FRYL: variants seen among roughly 807,000 people sequenced by gnomAD.
The protein encoded by FRYL is FRY like transcription coactivator.
FRYL carries 150 observed loss-of-function variants against 351.2 expected under a neutral mutation model. That is an observed-to-expected ratio of 0.43 (90% CI 0.37 to 0.49). The LOEUF (loss-of-function observed/expected upper bound fraction) is 0.49, where lower values mean the gene tolerates loss of function less well. Ranked by LOEUF, FRYL falls within the 20% of genes least tolerant of loss-of-function variation. FRYL has a pLI of 0.00. For missense variants in FRYL, 3,036 were observed against 3,619.3 expected (o/e 0.84, Z 4.13); for synonymous variants, 1,153 against 1,257.1 (o/e 0.92, Z 1.75).
At chr4:48,514,708 A>G (rs1723199324) in intron 56 of FRYL, among the ~76,000 whole-genome samples, 1 of 152,244 alleles carries the variant, frequency 6.6e-6, no homozygotes, top group Non-Finnish European at 1.5e-5. Context: ...TGATTTTAAC[A>G]TTTGGCCATT....
At chr4:48,580,585 C>T (rs1488771011) in intron 22 of FRYL, 2 of 364,628 alleles carry the variant, frequency 5.5e-6, no homozygotes, top group East Asian at 8.2e-5. Context: ...CAAACGGTAG[C>T]ATAAAGATTC....
intron 1 of FRYL, among the ~76,000 whole-genome samples, chr4:48,717,580 A>C (rs1036623533): frequency 1.3e-5 from 2 of 151,624 alleles, no homozygotes; most frequent in African/African-American, 4.8e-5. Flanking sequence ...TGACTCTGTC[A>C]CCTAGGCTGG....
At chr4:48,657,731 T>C (rs1408560933) in intron 3 of FRYL, among the ~76,000 whole-genome samples, 1 of 149,830 alleles carries the variant, frequency 6.7e-6, no homozygotes, top group African/African-American at 2.5e-5. Context: ...TTTTAGATTA[T>C]ATATTAAAGA....
intron 1 of FRYL, among the ~76,000 whole-genome samples, chr4:48,723,270 G>A (rs1246444093): frequency 2.0e-5 from 3 of 152,162 alleles, no homozygotes; most frequent in Non-Finnish European, 4.4e-5. Context: ...AGCCTCCTGA[G>A]TAGCTGCAAC....
intron 50 of FRYL, among the ~76,000 whole-genome samples, chr4:48,529,504 T>C (rs1358791115): frequency 2.0e-5 from 3 of 152,206 alleles, no homozygotes; most frequent in Non-Finnish European, 4.4e-5. Flanking sequence ...CATACTCCCA[T>C]GCTATTATAC....
chr4:48,669,057 C>T (rs1359860071), intron 3 of FRYL, among the ~76,000 whole-genome samples: 2 of 152,134 alleles, frequency 1.3e-5, no homozygotes, highest in African/African-American at 4.8e-5. Flanking sequence ...TTGAGATAGA[C>T]ATTTTATTGT....
chr4:48,507,149 T>G (rs1216985430), intron 59 of FRYL, among the ~76,000 whole-genome samples: 1 of 152,216 alleles, frequency 6.6e-6, no homozygotes, highest in Admixed American at 6.5e-5. Context: ...TAATGGCTTA[T>G]TTTTATACTG....
chr4:48,709,398 G>GA (rs1280611631), intron 2 of FRYL, among the ~76,000 whole-genome samples: 2 of 152,154 alleles, frequency 1.3e-5, no homozygotes, highest in African/African-American at 4.8e-5. Context: ...TGAAATGAAG[G>GA]AAAGTCCTCA....
intron 1 of FRYL, among the ~76,000 whole-genome samples, chr4:48,754,739 C>T (rs138471118): frequency 0.019 from 2,779 of 148,358 alleles, 47 homozygotes; most frequent in South Asian, 0.062. Flanking sequence ...ATGATCTTGG[C>T]GCACTGCAGC....
intron 55 of FRYL, chr4:48,520,799 CTCA>C (rs1267605892): frequency 5.5e-6 from 2 of 362,188 alleles, no homozygotes; most frequent in East Asian, 9.0e-5. Flanking sequence ...GTACATTAAC[CTCA>C]TCATGTTCTG....
Position 48,540,470 on chromosome 4 carries a change from G to GA in FRYL, c.6177dup (p.Gln2060SerfsTer6). 1 of 1,614,022 alleles carries GA rather than the reference G, an allele frequency of 6.2e-7. No individual in the cohort carries two copies. The highest frequency in any genetic ancestry group is 8.5e-7 in the Non-Finnish European group (1 of 1,179,930). Reference sequence around the variant, plus strand: ...GTAAAACCCTTAAGGAAGAGCTGCTGAAGTCCTGGAAAATTAGTCCATTTC... The same window carrying GA: ...GTAAAACCCTTAAGGAAGAGCTGCTGAAAGTCCTGGAAAATTAGTCCATTTC... On this transcript the variant is annotated frameshift_variant, in exon 46 of 64. Coordinates refer to ENST00000358350, the MANE Select transcript of FRYL (RefSeq NM_015030.2). LOFTEE classifies it high-confidence loss of function.
Position 48,710,670 on chromosome 4 carries a change from G to A in FRYL, c.-355C>T. 1 of 398,356 alleles carries A rather than the reference G, an allele frequency of 2.5e-6. No homozygotes were observed. The highest frequency in any genetic ancestry group is 4.4e-6 in the Non-Finnish European group (1 of 225,950). The allele number at this position is 398,356 out of a possible 1,614,324, so 24.7% of individuals were successfully genotyped here. ...AAAGCAGTAGTGAGTGAGTCACCGT[G>A]TGTGAAGCAGAATATGGAATGTTCT... On this transcript the variant is annotated 5_prime_UTR_variant, in exon 2 of 64. Coordinates refer to ENST00000358350, the MANE Select transcript of FRYL (RefSeq NM_015030.2).
chr4:48,756,669 CAGG>C (rs1350396708), intron 1 of FRYL, among the ~76,000 whole-genome samples: 1 of 152,076 alleles, frequency 6.6e-6, no homozygotes, highest in African/African-American at 2.4e-5. Flanking sequence ...TTAAAATTGA[CAGG>C]AGAAGTAGCT....
intron 3 of FRYL, among the ~76,000 whole-genome samples, chr4:48,638,752 A>G (rs1333458261): frequency 6.6e-6 from 1 of 152,218 alleles, no homozygotes; most frequent in East Asian, 1.9e-4. Context: ...TGTGGCACAC[A>G]TACACCATGG....
chr4:48,645,245 A>T (rs894348505), intron 3 of FRYL, among the ~76,000 whole-genome samples: 6 of 150,824 alleles, frequency 4.0e-5, no homozygotes, highest in African/African-American at 1.5e-4. Context: ...GCTGATAAAA[A>T]GGTAATGCCC....
intron 38 of FRYL, among the ~76,000 whole-genome samples, chr4:48,550,344 C>T (rs549044398): frequency 1.3e-5 from 2 of 152,146 alleles, no homozygotes; most frequent in Admixed American, 6.5e-5. Context: ...TTCTATGATG[C>T]TTCCTGAGAA....
intron 24 of FRYL, among the ~76,000 whole-genome samples, chr4:48,575,706 T>A (rs1325527523): frequency 6.6e-6 from 1 of 152,206 alleles, no homozygotes; most frequent in Non-Finnish European, 1.5e-5. Flanking sequence ...TTTAAATGAT[T>A]CCTTTTGGGT....
chr4:48,606,491 GA>G lies in FRYL; in HGVS notation c.687del (p.Arg230GlufsTer2). 1 of 1,612,320 alleles carries G rather than the reference GA, an allele frequency of 6.2e-7. No homozygotes were observed. Among genetic ancestry groups the G allele is most frequent in the Non-Finnish European group, 8.5e-7 (1 of 1,178,766 alleles). The part of the protein sequence containing the change: ...VISLIMGMKF[F>X]RVKMYPVEDF... The stretch of plus-strand genomic sequence containing the variant: ...TCTTCTACAGGATACATTTTTACTC[GA>G]AAAAATTTCATTCCCATTATTAAGC... On this transcript the variant is annotated frameshift_variant, in exon 10 of 64. Transcript: ENST00000358350. LOFTEE classifies it high-confidence loss of function.
At chr4:48,592,369 GT>G (rs1169768544) in intron 16 of FRYL, among the ~76,000 whole-genome samples, 1 of 151,768 alleles carries the variant, frequency 6.6e-6, no homozygotes, top group African/African-American at 2.4e-5. Context: ...TCTTACAAAA[GT>G]CCTTGAAAAG....
Sources: gnomAD v4.1 joint callset for allele counts (sites outside exome capture counted in the v4.1 genomes callset) on GRCh38, gnomAD v4.1.1 for gene constraint, MANE v1.5 for transcripts, NCBI Gene and HGNC (gene_info 2026-07-23, HGNC 2026-07-21) for gene names.